The following VSTM4 variants were observed in gnomAD, a reference collection of about 807,000 sequenced individuals.
The protein encoded by VSTM4 is V-set and transmembrane domain containing 4, also known as V-set and transmembrane domain-containing protein 4.
VSTM4 carries 20 observed loss-of-function variants against 36.4 expected under a neutral mutation model. The ratio of observed to expected loss-of-function variants is 0.55; its 90% CI spans 0.39 to 0.80. VSTM4 has a LOEUF of 0.80. VSTM4 is among the 30% of genes least tolerant of loss of function. VSTM4 has a pLI of 0.00. For synonymous variants in VSTM4, 182 were observed against 173.9 expected, an observed-to-expected ratio of 1.05 and a Z score of -0.37; for missense variants, 392 against 404.5, an observed-to-expected ratio of 0.97 and a Z score of 0.26.
At chr10:49,060,632 T>C (rs986321319) in intron 5 of VSTM4, among the ~76,000 whole-genome samples, 3 of 152,332 alleles carry the variant, frequency 2.0e-5, no homozygotes. Context: ...TTTGCAAATA[T>C]GGGGCTTACT....
chr10:49,100,340 C>A (rs1844645022), intron 2 of VSTM4, among the ~76,000 whole-genome samples: 1 of 152,184 alleles, frequency 6.6e-6, no homozygotes, highest in African/African-American at 2.4e-5. Flanking sequence ...TTCATAGATA[C>A]TATTGAAATG....
intron 2 of VSTM4, among the ~76,000 whole-genome samples, chr10:49,099,749 T>G (rs564306920): frequency 1.0e-3 from 156 of 152,368 alleles, no homozygotes; most frequent in African/African-American, 3.6e-3. Context: ...CAAGTTCATC[T>G]GGCATGAGAT....
intron 2 of VSTM4, among the ~76,000 whole-genome samples, chr10:49,088,812 C>T (rs1284204209): frequency 2.0e-5 from 3 of 152,232 alleles, no homozygotes; most frequent in Non-Finnish European, 2.9e-5. Flanking sequence ...GAAGACAACA[C>T]GGAGATGAAC....
intron 2 of VSTM4, among the ~76,000 whole-genome samples, chr10:49,088,707 C>T (rs996217411): frequency 6.6e-6 from 1 of 152,254 alleles, no homozygotes; most frequent in East Asian, 1.9e-4. Context: ...GAGCTTTGCA[C>T]CCTTAGACTG....
chr10:49,028,373 T>C (rs909552237), intron 7 of VSTM4, among the ~76,000 whole-genome samples: 1 of 152,166 alleles, frequency 6.6e-6, no homozygotes, highest in Admixed American at 6.5e-5. Flanking sequence ...CTGCCAACAA[T>C]GAGGTACTAT....
chr10:49,098,270 C>T (rs886168753), intron 2 of VSTM4, among the ~76,000 whole-genome samples: 11 of 152,210 alleles, frequency 7.2e-5, no homozygotes, highest in African/African-American at 2.7e-4. Flanking sequence ...TTGTGCACTC[C>T]ACTTCATCAC....
In VSTM4 at chr10:49,103,850, G is replaced by A. The variant is rs139499433; in HGVS notation, c.457+3744C>T. The A allele has an allele frequency of 8.9e-5, 144 of 1,613,892 alleles. No homozygotes were observed. The Middle Eastern group carries it at 1.8e-3, about 20-fold the overall frequency. On this transcript the variant is annotated intron_variant, in intron 2 of 7. Transcript: ENST00000332853. ...GAAAAGCTCCCCTCTCCACTGGATGGCTGGAGACTCCTGTTGAAAGGAGGG... is the reference window on the plus strand; with the variant it reads ...GAAAAGCTCCCCTCTCCACTGGATGACTGGAGACTCCTGTTGAAAGGAGGG...
At chr10:49,094,849 C>A (rs182421864) in intron 2 of VSTM4, among the ~76,000 whole-genome samples, 1 of 152,130 alleles carries the variant, frequency 6.6e-6, no homozygotes, top group African/African-American at 2.4e-5. Context: ...TGCTCTCAGG[C>A]ACTGGCCTAT....
chr10:49,110,766 G>T (rs570549805), intron 1 of VSTM4, among the ~76,000 whole-genome samples: 1 of 152,286 alleles, frequency 6.6e-6, no homozygotes, highest in East Asian at 1.9e-4. Flanking sequence ...AAGCCAAGGA[G>T]AGAGGCCTCA....
intron 1 of VSTM4, among the ~76,000 whole-genome samples, chr10:49,110,223 C>A (rs1419604589): frequency 6.6e-6 from 1 of 152,188 alleles, no homozygotes; most frequent in Non-Finnish European, 1.5e-5. Context: ...ACGCCCCAGG[C>A]TCCTCCTATT....
intron 2 of VSTM4, among the ~76,000 whole-genome samples, chr10:49,088,299 T>G (rs148161066): frequency 1.1e-3 from 170 of 152,264 alleles, no homozygotes; most frequent in African/African-American, 3.9e-3. Flanking sequence ...GAATTATATA[T>G]TTCTTTCTGA....
intron 4 of VSTM4, among the ~76,000 whole-genome samples, chr10:49,065,766 G>A (rs184651641): frequency 7.9e-5 from 12 of 152,292 alleles, no homozygotes; most frequent in Non-Finnish European, 8.8e-5. Context: ...GTGGAATTGA[G>A]AGCAGATAAT....
At chr10:49,114,695 C>T (rs546915512) in intron 1 of VSTM4, among the ~76,000 whole-genome samples, 6 of 152,066 alleles carry the variant, frequency 3.9e-5, no homozygotes, top group Non-Finnish European at 8.8e-5. Context: ...AAGTGACCAT[C>T]GATACCTGTA....
At chr10:49,087,710 A>G (rs749800532) in intron 2 of VSTM4, among the ~76,000 whole-genome samples, 4 of 152,016 alleles carry the variant, frequency 2.6e-5, no homozygotes, top group Admixed American at 1.3e-4. Context: ...CCTCCTAAAC[A>G]TACTGGTTGT....
At position 49,086,027 on chromosome 10, in the gene VSTM4, A is replaced by G; in HGVS notation, c.458-4T>C. On this transcript the variant is annotated splice_polypyrimidine_tract_variant and splice_region_variant and intron_variant, in intron 2 of 7. Coordinates refer to ENST00000332853, the MANE Select transcript of VSTM4 (RefSeq NM_001031746.5). ...TCAGAAGCTTTGAGGGAAATGACTG[A>G]AAGACAAAAAAGAAACAGCACAGTA... is the stretch of plus-strand genomic sequence containing the variant. 1.9e-6 allele frequency: 3 copies of G among 1,576,794 alleles called. No individual in the cohort carries two copies.
At chr10:49,065,173 A>G (rs1843950750) in intron 4 of VSTM4, among the ~76,000 whole-genome samples, 1 of 152,224 alleles carries the variant, frequency 6.6e-6, no homozygotes, top group South Asian at 2.1e-4. Flanking sequence ...GACTAAAAAG[A>G]GGCCCTCGGG....
intron 2 of VSTM4, chr10:49,102,295 C>T (rs544870033): frequency 1.8e-5 from 10 of 542,950 alleles, no homozygotes; most frequent in African/African-American, 1.6e-4. Flanking sequence ...CACCACCACA[C>T]CTGGCTAATT....
intron 1 of VSTM4, among the ~76,000 whole-genome samples, chr10:49,114,102 C>G (rs1165845569): frequency 2.0e-5 from 3 of 152,236 alleles, no homozygotes; most frequent in Non-Finnish European, 2.9e-5. Context: ...CGAGAACTGG[C>G]CCTGCCCACC....
chr10:49,057,898 C>T (rs2131970916), intron 5 of VSTM4, among the ~76,000 whole-genome samples: 1 of 152,314 alleles, frequency 6.6e-6, no homozygotes, highest in South Asian at 2.1e-4. Context: ...TTCTTTGAGA[C>T]TGAGGGTTCA....
Sources: allele counts gnomAD v4.1 joint callset (sites outside exome capture counted in the v4.1 genomes callset), GRCh38; gene constraint gnomAD v4.1.1; transcripts MANE v1.5; gene names NCBI Gene and HGNC (gene_info 2026-07-23, HGNC 2026-07-21).